The following ACSM2A variants were observed in gnomAD, a reference collection of about 807,000 sequenced individuals.
The protein encoded by ACSM2A is acyl-coenzyme A synthetase ACSM2A, mitochondrial.
Under a neutral mutation model 76.6 loss-of-function variants are expected in ACSM2A, and 72 were observed. That is an observed-to-expected ratio of 0.94 (90% CI 0.78 to 1.14). ACSM2A has a LOEUF of 1.14. Among genes scored for constraint, ACSM2A ranks in the 50% most tolerant of loss-of-function variants. The pLI is 0.00. For synonymous variants in ACSM2A, 249 were observed against 255.9 expected (o/e 0.97, Z 0.26); for missense variants, 684 against 708.5 (o/e 0.97, Z 0.39).
At chr16:20,474,461 A>G (rs1384359639) in intron 6 of ACSM2A, among the ~76,000 whole-genome samples, 2 of 152,186 alleles carry the variant, frequency 1.3e-5, no homozygotes, top group African/African-American at 4.8e-5. Flanking sequence ...GGAGTCCCCA[A>G]CAGCAAGAAG....
intron 3 of ACSM2A, among the ~76,000 whole-genome samples, chr16:20,466,729 T>C (rs372602811): frequency 2.6e-5 from 4 of 152,330 alleles, no homozygotes; most frequent in African/African-American, 9.6e-5. Flanking sequence ...CAGTTACTGA[T>C]CTGGGTAGTG....
intron 3 of ACSM2A, among the ~76,000 whole-genome samples, chr16:20,466,900 T>A (rs913204582): frequency 9.2e-5 from 14 of 152,186 alleles, no homozygotes; most frequent in Admixed American, 7.9e-4. Flanking sequence ...TGTGACAAAT[T>A]TGTTATTTTT....
rs2013721557 is a variant in ACSM2A, at chr16:20,476,057, A to T, written c.1098+284A>T. On this transcript the variant is annotated intron_variant, in intron 8 of 13. Transcript: ENST00000573854. ...TGGTGAGAAATGCGATGGAAAAAGT[A>T]AAGTAGATGACATGGGGTGAGAAGT... The T allele has an allele frequency of 8.4e-6, 9 of 1,068,632 alleles. No homozygotes were observed. The South Asian group carries it at 1.9e-4, about 23-fold the overall frequency. 66.2% of individuals were successfully genotyped at this position (1,068,632 alleles called of 1,614,324 possible).
At chr16:20,452,963 G>A (rs571622246) in intron 1 of ACSM2A, among the ~76,000 whole-genome samples, 1 of 152,110 alleles carries the variant, frequency 6.6e-6, no homozygotes, top group Non-Finnish European at 1.5e-5. Context: ...AAGCTGGTTG[G>A]TTGCTCCTAA....
chr16:20,470,430 T>A (rs1280110936), intron 4 of ACSM2A, among the ~76,000 whole-genome samples: 1 of 152,210 alleles, frequency 6.6e-6, no homozygotes, highest in Non-Finnish European at 1.5e-5. Flanking sequence ...ATTAATGATT[T>A]TCTCTGTCAA....
In ACSM2A at chr16:20,471,519, T is replaced by C; in HGVS notation, c.741-17T>C. 1 of 1,605,508 alleles carries C rather than the reference T, an allele frequency of 6.2e-7. No individual in the cohort carries two copies. Among genetic ancestry groups the C allele is most frequent in the Non-Finnish European group, 8.5e-7 (1 of 1,175,164 alleles). ...TGCACCCACCTATATGTACATGTGTTTTGTCTGTGTTTTCAGTTGGACAGG... is the reference window on the plus strand; with the variant it reads ...TGCACCCACCTATATGTACATGTGTCTTGTCTGTGTTTTCAGTTGGACAGG... On this transcript the variant is annotated splice_polypyrimidine_tract_variant and intron_variant, in intron 5 of 13. Transcript: ENST00000573854.
At chr16:20,466,871 T>G (rs2013030973) in intron 3 of ACSM2A, among the ~76,000 whole-genome samples, 1 of 152,230 alleles carries the variant, frequency 6.6e-6, no homozygotes, top group Non-Finnish European at 1.5e-5. Context: ...CCATGACTCC[T>G]GAACTATAAT....
chr16:20,469,025 A>T (rs1405731697), intron 3 of ACSM2A, among the ~76,000 whole-genome samples: 1 of 152,208 alleles, frequency 6.6e-6, no homozygotes, highest in Admixed American at 6.5e-5. Flanking sequence ...GTGTACATAG[A>T]TATGTAAAAC....
rs576125002 is a variant in ACSM2A, at chr16:20,470,077, C to T, written c.596+358C>T. Among the ~76,000 whole-genome samples, 499 of 152,172 alleles carry T rather than the reference C, an allele frequency of 3.3e-3. 3 individuals carry two copies. The Middle Eastern group carries it at 0.034, about 10-fold the overall frequency. On this transcript the variant is annotated intron_variant, in intron 4 of 13. Coordinates refer to ENST00000573854, the MANE Select transcript of ACSM2A (RefSeq NM_001308172.2). ...CCTCCACACTTCTGGGCTGCGCACT[C>T]ATGCGTGAAGAGTGGCTCAGAGTTC...
chr16:20,463,383 C>A, intron 2 of ACSM2A, among the ~76,000 whole-genome samples: 1 of 151,212 alleles, frequency 6.6e-6, no homozygotes, highest in Non-Finnish European at 1.5e-5. Context: ...GAAATGTAAT[C>A]CACAGAGTTG....
chr16:20,484,906 C>T lies in ACSM2A; in HGVS notation c.1630-1668C>T, dbSNP rs576281853. 1.1e-4 allele frequency among the ~76,000 whole-genome samples: 17 copies of T among 152,244 alleles called. No individual in the cohort carries two copies. In the South Asian group the frequency reaches 2.1e-3, roughly 19 times the overall value. On this transcript the variant is annotated intron_variant, in intron 13 of 13. Transcript: ENST00000573854. ...CTTCTTTGTCCCTGGAGGAGGATCTCAGCTGCATATCAGAGTCCACCACAT... is the reference window on the plus strand; with the variant it reads ...CTTCTTTGTCCCTGGAGGAGGATCTTAGCTGCATATCAGAGTCCACCACAT...
rs1193245979 is a variant in ACSM2A, at chr16:20,470,978, C to A, written c.597-95C>A. ...TGTGAGGTGGGTCCATCAACTTGCC[C>A]TTTTCAGCACAGTGGGTGGTGGGAA... is the stretch of plus-strand genomic sequence containing the variant. On this transcript the variant is annotated intron_variant, in intron 4 of 13. Transcript: ENST00000573854. 3.9e-6 allele frequency: 6 copies of A among 1,549,006 alleles called. No homozygotes were observed. In the African/African-American group the frequency reaches 6.8e-5, roughly 18 times the overall value.
rs755815714 is a variant in ACSM2A, at chr16:20,483,115, C to A, written c.1567C>A (p.Leu523Ile). The A allele has an allele frequency of 6.2e-7, 1 of 1,614,102 alleles. No homozygotes were observed. Among genetic ancestry groups the A allele is most frequent in the South Asian group, 1.1e-5 (1 of 91,072 alleles). Residue 523 changes from leucine to isoleucine, a missense_variant, in exon 13 of 14, where the codon CTC (leucine) becomes ATC (isoleucine). Around this residue, in one of 3 missense-constraint regions of ACSM2A, gnomAD observed 159 missense variants for 132.5 expected, o/e 1.20. Coordinates refer to ENST00000573854, the MANE Select transcript of ACSM2A (RefSeq NM_001308172.2). ...SQFLSHDPEQ[L>I]TKELQQHVKS... is the part of the protein sequence containing the mutation. ...GTTCCTGTCCCATGACCCAGAACAG[C>A]TCACCAAGGAGCTGCAGCAGCATGT... is the stretch of plus-strand genomic sequence containing the variant.
chr16:20,483,529 C>T (rs2014217203), intron 13 of ACSM2A, among the ~76,000 whole-genome samples: 1 of 121,792 alleles, frequency 8.2e-6, no homozygotes, highest in Non-Finnish European at 1.6e-5. Context: ...GAGATTGTGC[C>T]ACTGCACTGC....
At position 20,471,053 on chromosome 16, in the gene ACSM2A, A is replaced by G. The variant is rs2013360726; in HGVS notation, c.597-20A>G. 1 of 1,612,624 alleles carries G rather than the reference A, an allele frequency of 6.2e-7. No homozygotes were observed. Among genetic ancestry groups the G allele is most frequent in the Non-Finnish European group, 8.5e-7 (1 of 1,179,112 alleles). On this transcript the variant is annotated intron_variant, in intron 4 of 13. Coordinates refer to ENST00000573854, the MANE Select transcript of ACSM2A (RefSeq NM_001308172.2). ...TGTCCAGTCTAGCTCTGAAAAAATG[A>G]CAATCTGTGTCTCTGTCAGTGAGGC...
chr16:20,477,218 G>C, intron 8 of ACSM2A, 151 bp from the exon 9 acceptor site: 1 of 1,301,944 alleles, frequency 7.7e-7, no homozygotes, highest in Non-Finnish European at 1.0e-6. Context: ...CCAGTAATGG[G>C]GAGAGAGCCA....
intron 1 of ACSM2A, among the ~76,000 whole-genome samples, 170 bp downstream of exon 1, chr16:20,451,851 G>A (rs1029853785): frequency 1.4e-5 from 2 of 140,158 alleles, no homozygotes; most frequent in Admixed American, 7.4e-5. Context: ...ACACTGGGCA[G>A]AGGAAAAGGC....
chr16:20,477,238 G>T (rs1163844161), intron 8 of ACSM2A, 131 bp from the exon 9 acceptor site: 3 of 1,395,942 alleles, frequency 2.1e-6, no homozygotes, highest in African/African-American at 2.9e-5. Context: ...AGGGAATGAG[G>T]AGCAGGGGGA....
chr16:20,460,158 G>A lies in ACSM2A; in HGVS notation c.44G>A (p.Gly15Asp), dbSNP rs1314527864. 2 of 1,612,946 alleles carry A rather than the reference G, an allele frequency of 1.2e-6. No individual in the cohort carries two copies. Among genetic ancestry groups the A allele is most frequent in the South Asian group, 1.1e-5 (1 of 90,980 alleles). The change falls in exon 2 of 14, where the codon GGT becomes GAT. Residue 15 changes from glycine (G) to aspartate (D), a missense_variant. This residue lies in a region of ACSM2A where 519 missense variants were observed against 549.5 expected (regional missense o/e 0.94). Transcript: ENST00000573854. ...GTTCAGGGACTTTGCACCCTGTGGGGTACTCAGATGTCCAGCCGCACTCTC... is the reference window on the plus strand; with the variant it reads ...GTTCAGGGACTTTGCACCCTGTGGGATACTCAGATGTCCAGCCGCACTCTC... Reference protein sequence around the residue: ...RKVQGLCTLWGTQMSSRTLYI... With the variant: ...RKVQGLCTLWDTQMSSRTLYI...
Sources: gnomAD v4.1 joint callset for allele counts (sites outside exome capture counted in the v4.1 genomes callset) on GRCh38, gnomAD v4.1.1 for gene constraint, gnomAD v4.1.1 regional missense constraint, MANE v1.5 for transcripts, NCBI Gene and HGNC (gene_info 2026-07-23, HGNC 2026-07-21) for gene names.